PLXNA2: variants seen among roughly 807,000 people sequenced by gnomAD.
PLXNA2 encodes plexin-A2.
Under a neutral mutation model 193.5 loss-of-function variants are expected in PLXNA2, and 91 were observed. That is an observed-to-expected ratio of 0.47 (90% confidence interval 0.40 to 0.56). The LOEUF is 0.56. Among genes scored for constraint, PLXNA2 ranks in the 20% least tolerant of loss-of-function variants. The pLI, the probability that PLXNA2 is intolerant of heterozygous loss-of-function variation, is 0.00. For synonymous variants in PLXNA2, 997 were observed against 1,027.3 expected (o/e 0.97, Z 0.56); for missense variants, 1,995 against 2,503.2 (o/e 0.80, Z 4.33).
rs926777479 is a variant in PLXNA2 at position 208,236,549 on chromosome 1, C to A, written c.-81+7094G>T. On this transcript the variant is annotated intron_variant, in intron 1 of 31. Transcript: ENST00000367033. The surrounding 1 kb of genome is among the most constrained non-coding windows in gnomAD (Gnocchi z 4.4). ...CTGCCTGGCCGGCTGCTCCCTCTAA[C>A]CCCTGCTCAAAGGTAAAAAGACCTG... is the stretch of plus-strand genomic sequence containing the variant. Among the ~76,000 whole-genome samples, 4 of 152,190 alleles carry A rather than the reference C, an allele frequency of 2.6e-5. No homozygotes were observed. Among genetic ancestry groups the A allele is most frequent in the Non-Finnish European group, 2.9e-5 (2 of 68,040 alleles).
chr1:208,074,841 C>T (rs558125126), intron 12 of PLXNA2, among the ~76,000 whole-genome samples: 2 of 152,266 alleles, frequency 1.3e-5, no homozygotes, highest in South Asian at 4.1e-4. Context: ...TAGTAAATGG[C>T]TTCTATTTAC....
intron 4 of PLXNA2, among the ~76,000 whole-genome samples, chr1:208,108,800 C>T (rs1016024176): frequency 6.6e-6 from 1 of 152,176 alleles, no homozygotes; most frequent in Non-Finnish European, 1.5e-5. Context: ...ACAGATGCCA[C>T]AATAGAAGTA....
At chr1:208,086,979 C>CTCTCTCTCTCTG (rs1491364667) in intron 9 of PLXNA2, among the ~76,000 whole-genome samples, 20 of 65,488 alleles carry the variant, frequency 3.1e-4, no homozygotes, top group Admixed American at 6.6e-4. Context: ...CTCTCTCTCT[C>CTCTCTCTCTCTG]TGTGTGTGTG....
In PLXNA2 at chr1:208,236,815, G is replaced by A. The variant is rs6685511; in HGVS notation, c.-81+6828C>T. The stretch of plus-strand genomic sequence containing the variant: ...GAGGGGGCAAGAACTCCTTCTCTTC[G>A]GAAATACAAGACTACACATACCCAC... On this transcript the variant is annotated intron_variant, in intron 1 of 31. Coordinates refer to ENST00000367033, the MANE Select transcript of PLXNA2 (RefSeq NM_025179.4). This position sits in a 1 kb window ranked among gnomAD's most constrained non-coding sequence, Gnocchi z 4.4. 0.17 allele frequency among the ~76,000 whole-genome samples: 25,351 copies of A among 152,108 alleles called. 2,366 individuals carry two copies. The highest frequency in any genetic ancestry group is 0.23 in the African/African-American group (9,615 of 41,498).
chr1:208,040,349 G>A, intron 22 of PLXNA2: 1 of 420,500 alleles, frequency 2.4e-6, no homozygotes. Context: ...CAGGGTCTGT[G>A]GATAAAGGCA....
At chr1:208,066,975 T>C (rs1665817450) in intron 12 of PLXNA2, among the ~76,000 whole-genome samples, 1 of 152,214 alleles carries the variant, frequency 6.6e-6, no homozygotes, top group Admixed American at 6.5e-5. Context: ...TGTACAGCTG[T>C]ACAATGTATG....
At position 208,050,998 on chromosome 1, in the gene PLXNA2, C is replaced by T. The variant is rs1263564304; in HGVS notation, c.3255+11G>A. 1.9e-6 allele frequency: 3 copies of T among 1,594,998 alleles called. No individual in the cohort carries two copies. Among genetic ancestry groups the T allele is most frequent in the South Asian group, 1.1e-5 (1 of 90,618 alleles). ...TTTACCAAAGGCTGGGGCAGACCAACAGTTACTCACATTGACAGATTCTTT... is the reference window on the plus strand; with the variant it reads ...TTTACCAAAGGCTGGGGCAGACCAATAGTTACTCACATTGACAGATTCTTT... On this transcript the variant is annotated intron_variant, in intron 17 of 31. Transcript: ENST00000367033.
intron 3 of PLXNA2, among the ~76,000 whole-genome samples, chr1:208,160,303 T>C (rs1032902565): frequency 1.3e-5 from 2 of 152,176 alleles, no homozygotes; most frequent in African/African-American, 4.8e-5. Context: ...TATTTCCCCC[T>C]GGGAAGAGTA....
intron 1 of PLXNA2, among the ~76,000 whole-genome samples, chr1:208,242,881 G>A (rs1236035867): frequency 6.6e-6 from 1 of 152,088 alleles, no homozygotes; most frequent in Non-Finnish European, 1.5e-5. Context: ...CTCACTTGTG[G>A]GGTGGGGCAA....
intron 1 of PLXNA2, among the ~76,000 whole-genome samples, chr1:208,242,559 AT>A (rs1403768627): frequency 6.6e-6 from 1 of 152,110 alleles, no homozygotes; most frequent in East Asian, 1.9e-4. Context: ...TCACTCTAAG[AT>A]TCCTACAGGG....
At chr1:208,199,253 T>C (rs1670459948) in intron 3 of PLXNA2, among the ~76,000 whole-genome samples, 1 of 152,138 alleles carries the variant, frequency 6.6e-6, no homozygotes, top group South Asian at 2.1e-4. Flanking sequence ...TCACCCTAGA[T>C]CAAGGTTGTA....
rs1043979193 is a variant in PLXNA2, at chr1:208,243,819, T to C, written c.-257A>G. 11 of 152,288 alleles carry C rather than the reference T, an allele frequency of 7.2e-5. No homozygotes were observed. Among genetic ancestry groups the C allele is most frequent in the African/African-American group, 2.2e-4 (9 of 41,458 alleles). 9.4% of individuals were successfully genotyped at this position (152,288 alleles called of 1,614,324 possible). Reference sequence around the variant, plus strand: ...TCCACGTCAAGCCACCAGACACTTATCTGTATTCCTGAAGTCGCTCCTCGG... The same window carrying C: ...TCCACGTCAAGCCACCAGACACTTACCTGTATTCCTGAAGTCGCTCCTCGG... On this transcript the variant is annotated 5_prime_UTR_variant, in exon 1 of 32. Transcript: ENST00000367033.
intron 4 of PLXNA2, among the ~76,000 whole-genome samples, chr1:208,125,483 C>T (rs985025472): frequency 2.6e-5 from 4 of 152,142 alleles, no homozygotes; most frequent in African/African-American, 4.8e-5. Context: ...TAAGTGATCC[C>T]AGGTGAGAGA....
chr1:208,124,308 A>G (rs1191298061), intron 4 of PLXNA2, among the ~76,000 whole-genome samples: 1 of 152,176 alleles, frequency 6.6e-6, no homozygotes, highest in Non-Finnish European at 1.5e-5. Context: ...TCTGTACAAC[A>G]AATTCCCATG....
chr1:208,188,701 C>A (rs1411158161), intron 3 of PLXNA2, among the ~76,000 whole-genome samples: 1 of 145,004 alleles, frequency 6.9e-6, no homozygotes, highest in African/African-American at 2.6e-5. Flanking sequence ...AAGAATGAAA[C>A]TCTGTCTCAA....
At chr1:208,107,580 G>T (rs1421130677) in intron 4 of PLXNA2, among the ~76,000 whole-genome samples, 1 of 152,164 alleles carries the variant, frequency 6.6e-6, no homozygotes, top group Admixed American at 6.5e-5. Context: ...GGGTCGGGTG[G>T]GGAGGGAGAT....
chr1:208,201,130 C>T (rs1486452307), intron 3 of PLXNA2, among the ~76,000 whole-genome samples: 1 of 152,214 alleles, frequency 6.6e-6, no homozygotes, highest in Non-Finnish European at 1.5e-5. Flanking sequence ...ATATATCCTC[C>T]ATGTCTGATA....
intron 4 of PLXNA2, among the ~76,000 whole-genome samples, chr1:208,129,750 T>A (rs1309888921): frequency 6.6e-6 from 1 of 152,210 alleles, no homozygotes; most frequent in African/African-American, 2.4e-5. Flanking sequence ...CTGCATACTG[T>A]ATTGTAACTC....
chr1:208,124,184 A>C (rs1667890605), intron 4 of PLXNA2, among the ~76,000 whole-genome samples: 1 of 152,098 alleles, frequency 6.6e-6, no homozygotes, highest in Admixed American at 6.5e-5. Context: ...TCATGAACAC[A>C]AAGAAGGGAA....
Sources: allele counts gnomAD v4.1 joint callset (sites outside exome capture counted in the v4.1 genomes callset), GRCh38; gene constraint gnomAD v4.1.1; non-coding constraint Gnocchi (gnomAD v3.1); transcripts MANE v1.5; gene names NCBI Gene and HGNC (gene_info 2026-07-23, HGNC 2026-07-21).